Variants in SLC13A4 observed in about 807,000 individuals in gnomAD.
SLC13A4 encodes the protein Na(+)/sulfate cotransporter SUT-1.
Under a neutral mutation model 72.7 loss-of-function variants are expected in SLC13A4, and 28 were observed. That is an observed-to-expected ratio of 0.39 (90% CI 0.29 to 0.53). The LOEUF (loss-of-function observed/expected upper bound fraction) is 0.53, where lower values mean the gene tolerates loss of function less well. SLC13A4 is among the 20% of genes least tolerant of loss of function. The pLI, the probability that SLC13A4 is intolerant of heterozygous loss-of-function variation, is 0.78. For synonymous variants in SLC13A4, 312 were observed against 325.5 expected (o/e 0.96, Z 0.45); for missense variants, 653 against 788.0 (o/e 0.83, Z 2.05).
At chr7:135,717,167 T>C (rs1313736816) in intron 2 of SLC13A4, among the ~76,000 whole-genome samples, 1 of 152,206 alleles carries the variant, frequency 6.6e-6, no homozygotes, top group Non-Finnish European at 1.5e-5. Context: ...AACATGCTAT[T>C]CAAGATTCTT....
intron 2 of SLC13A4, among the ~76,000 whole-genome samples, chr7:135,714,045 C>T (rs138699984): frequency 2.7e-4 from 41 of 152,366 alleles, no homozygotes; most frequent in African/African-American, 8.2e-4. Flanking sequence ...TTCCACCTTC[C>T]CTGGGGGCAG....
At chr7:135,694,092 G>T in intron 10 of SLC13A4, 45 bp downstream of exon 10, 1 of 1,173,894 alleles carries the variant, frequency 8.5e-7, no homozygotes, top group Non-Finnish European at 1.3e-6. Flanking sequence ...TTTACCTGCT[G>T]TGTTTCTGCT....
In SLC13A4 at chr7:135,684,226, C is replaced by T; in HGVS notation, c.1644G>A (p.Leu548=). The T allele has an allele frequency of 6.2e-7, 1 of 1,612,674 alleles. No homozygotes were observed. Among genetic ancestry groups the T allele is most frequent in the Non-Finnish European group, 8.5e-7 (1 of 1,179,226 alleles). ...ETLHINPLYT[L]IPVTMCISFA... ...AGGAGATGCACATGGTGACTGGGAT[C>T]AGGGTGTAGAGGGGGTTAATGTGCA... Residue 548 remains leucine (L), a synonymous_variant, in exon 15 of 16, where the codon CTG becomes CTA. Transcript: ENST00000682651.
At chr7:135,726,651 G>C (rs2129495669) in intron 1 of SLC13A4, among the ~76,000 whole-genome samples, 2 of 152,322 alleles carry the variant, frequency 1.3e-5, no homozygotes, top group Middle Eastern at 3.4e-3. Flanking sequence ...AGGTTCCTCT[G>C]TTCTCACAAA....
intron 10 of SLC13A4, 84 bp from the exon 11 acceptor site, chr7:135,692,508 T>G (rs1347718288): frequency 2.1e-6 from 2 of 958,830 alleles, no homozygotes; most frequent in Non-Finnish European, 3.2e-6. Flanking sequence ...GCTTCTGTAT[T>G]TAGAGTTTCA....
Position 135,692,366 on chromosome 7 carries a change from G to A in SLC13A4, c.1180C>T (p.Arg394Trp), listed in dbSNP as rs775816451. ...CAGCCAGGGACAAAGCCAGGCTCCC[G>A]GGTAAACCACAGTACGGTCATCAGG... ...FILMTVLWFT[R>W]EPGFVPGWDS... is the part of the protein sequence containing the mutation. Residue 394 changes from arginine to tryptophan, a missense_variant, in exon 11 of 16, where the codon CGG becomes TGG. Transcript: ENST00000682651. The A allele has an allele frequency of 3.1e-6, 5 of 1,613,836 alleles. No individual in the cohort carries two copies. The highest frequency in any genetic ancestry group is 2.2e-5 in the East Asian group (1 of 44,896).
Position 135,727,416 on chromosome 7 carries a change from G to T in SLC13A4, c.81C>A (p.Pro27=). 6.5e-7 allele frequency: 1 copy of T among 1,549,634 alleles called. No individual in the cohort carries two copies. The highest frequency in any genetic ancestry group is 1.2e-5 in the South Asian group (1 of 83,970). The part of the protein sequence containing the change: ...VCVPLLLLPL[P]VLHPSSEASC... ...TACTCACGCTGCTGGGGTGGAGGAC[G>T]GGCAGAGGCAGCAGCAGGAGCGGGA... is the stretch of plus-strand genomic sequence containing the variant. Residue 27 remains proline (P), a synonymous_variant, in exon 1 of 16, where the codon CCC becomes CCA. Coordinates refer to ENST00000682651, the MANE Select transcript of SLC13A4 (RefSeq NM_001318192.2).
chr7:135,711,963 A>ATTTTTTTTTTTTTTTTT (rs529940903), intron 2 of SLC13A4, among the ~76,000 whole-genome samples: 4 of 46,900 alleles, frequency 8.5e-5, no homozygotes, highest in Non-Finnish European at 8.0e-5. Context: ...ATGTTTTTGG[A>ATTTTTTTTTTTTTTTTT]TTTTTTTTTT....
At chr7:135,689,687 C>T (rs73160715) in intron 13 of SLC13A4, among the ~76,000 whole-genome samples, 7,778 of 152,084 alleles carry the variant, frequency 0.051, 258 homozygotes, top group South Asian at 0.083. Context: ...TGCAGAAGAC[C>T]TGAGCTGAAA....
chr7:135,705,997 G>C (rs1182588530), intron 4 of SLC13A4, 131 bp downstream of exon 4: 1 of 784,456 alleles, frequency 1.3e-6, no homozygotes, highest in Admixed American at 2.6e-5. Flanking sequence ...AGAGGAAGGG[G>C]AATGTGGGGG....
chr7:135,722,959 T>G (rs948151828), intron 1 of SLC13A4, among the ~76,000 whole-genome samples: 6 of 152,180 alleles, frequency 3.9e-5, no homozygotes, highest in Admixed American at 3.9e-4. Flanking sequence ...TACTGACATT[T>G]AGGGCCACAT....
At chr7:135,691,483 G>T in intron 12 of SLC13A4, 65 bp downstream of exon 12, 1 of 1,531,862 alleles carries the variant, frequency 6.5e-7, no homozygotes, top group Non-Finnish European at 9.0e-7. Flanking sequence ...AATCTCTTTG[G>T]GAGTATTAGT....
At chr7:135,695,249 G>A (rs992256810) in intron 9 of SLC13A4, 119 bp downstream of exon 9, 2 of 1,349,606 alleles carry the variant, frequency 1.5e-6, no homozygotes, top group Non-Finnish European at 2.0e-6. Context: ...CATTCTCCTT[G>A]GGCATCCTCT....
intron 8 of SLC13A4, among the ~76,000 whole-genome samples, chr7:135,697,192 C>T (rs985971881): frequency 1.3e-5 from 2 of 152,258 alleles, no homozygotes; most frequent in East Asian, 1.9e-4. Flanking sequence ...CCTGTACAGG[C>T]GGCACGCCCA....
chr7:135,688,756 G>A (rs1242591098), intron 13 of SLC13A4: 1 of 151,960 alleles, frequency 6.6e-6, no homozygotes, highest in African/African-American at 2.4e-5. Context: ...AACTCTGTAG[G>A]AATCACATAT....
chr7:135,702,871 C>T lies in SLC13A4; in HGVS notation c.607G>A (p.Asp203Asn), dbSNP rs1191841671. ...IFVNEDRSNADLTTLMHNENL... is the reference protein window; with the variant it reads ...IFVNEDRSNANLTTLMHNENL... ...TCGTTGTGCATCAGAGTGGTGAGGT[C>T]TGCGTTGGACCTGCTGGAACCAAGC... Residue 203 changes from aspartate (D) to asparagine (N), a missense_variant, in exon 6 of 16, where the codon GAC becomes AAC. Asp to Asn is a conservative substitution (Grantham distance 23, BLOSUM62 1). Coordinates refer to ENST00000682651, the MANE Select transcript of SLC13A4 (RefSeq NM_001318192.2). 6.2e-7 allele frequency: 1 copy of T among 1,613,860 alleles called. No homozygotes were observed. The highest frequency in any genetic ancestry group is 2.2e-5 in the East Asian group (1 of 44,876).
chr7:135,720,885 A>G (rs1796532461), intron 2 of SLC13A4, among the ~76,000 whole-genome samples: 2 of 152,180 alleles, frequency 1.3e-5, no homozygotes, highest in African/African-American at 4.8e-5. Context: ...CGAGAAGAAA[A>G]AGAAATGTTG....
chr7:135,705,357 A>G (rs566963839), intron 5 of SLC13A4: 5 of 438,640 alleles, frequency 1.1e-5, no homozygotes, highest in Non-Finnish European at 2.0e-5. Flanking sequence ...TGGCCTTTTT[A>G]TTTCTTCCTC....
At chr7:135,719,762 T>C (rs995763455) in intron 2 of SLC13A4, among the ~76,000 whole-genome samples, 1 of 150,606 alleles carries the variant, frequency 6.6e-6, no homozygotes, top group Non-Finnish European at 1.5e-5. Context: ...AGCCTGAGGC[T>C]ATGGCTACTC....
Sources: gnomAD v4.1 joint callset for allele counts (sites outside exome capture counted in the v4.1 genomes callset) on GRCh38, gnomAD v4.1.1 for gene constraint, MANE v1.5 for transcripts, NCBI Gene and HGNC (gene_info 2026-07-23, HGNC 2026-07-21) for gene names.